The following DENND4C variants were observed in gnomAD, a reference collection of about 807,000 sequenced individuals.
DENND4C encodes the protein DENN domain-containing protein 4C.
Under a neutral mutation model 203.0 loss-of-function variants are expected in DENND4C, and 108 were observed. That is an observed-to-expected ratio of 0.53 (90% CI 0.46 to 0.62). DENND4C has a LOEUF of 0.62. Among genes scored for constraint, DENND4C ranks in the 20% least tolerant of loss-of-function variants. The pLI is 0.00. For missense variants in DENND4C, 2,481 were observed against 2,301.2 expected, an observed-to-expected ratio of 1.08 and a Z score of -1.60; for synonymous variants, 871 against 792.4, an observed-to-expected ratio of 1.10 and a Z score of -1.67.
In DENND4C at chr9:19,316,527, G is replaced by A. The variant is rs1327361464; in HGVS notation, c.1588+10G>A. 2.5e-6 allele frequency: 4 copies of A among 1,608,118 alleles called. No homozygotes were observed. Among genetic ancestry groups the A allele is most frequent in the Admixed American group, 1.7e-5 (1 of 59,292 alleles). ...CCCCAGCTGTCTTCAGGTAATGTGAGGGAAAAGGAATATTATTAATGAAGG... is the reference window on the plus strand; with the variant it reads ...CCCCAGCTGTCTTCAGGTAATGTGAAGGAAAAGGAATATTATTAATGAAGG... On this transcript the variant is annotated intron_variant, in intron 11 of 32. Coordinates refer to ENST00000434457, the MANE Select transcript of DENND4C (RefSeq NM_001330640.2).
At chr9:19,262,702 G>A (rs1353194174) in intron 1 of DENND4C, among the ~76,000 whole-genome samples, 1 of 152,064 alleles carries the variant, frequency 6.6e-6, no homozygotes. Context: ...AGAGTGCTGG[G>A]ATTACAGGTG....
chr9:19,367,153 C>T (rs953817142), intron 30 of DENND4C, among the ~76,000 whole-genome samples: 1 of 152,172 alleles, frequency 6.6e-6, no homozygotes, highest in South Asian at 2.1e-4. Context: ...AATAACACTT[C>T]ATACTTACTA....
chr9:19,287,794 G>A (rs867128343), intron 3 of DENND4C, among the ~76,000 whole-genome samples: 2 of 151,932 alleles, frequency 1.3e-5, no homozygotes, highest in Non-Finnish European at 2.9e-5. Context: ...GTGCAGTGGC[G>A]TGATCTTGGC....
At chr9:19,285,808 A>G (rs533144825) in intron 2 of DENND4C, among the ~76,000 whole-genome samples, 17 of 152,298 alleles carry the variant, frequency 1.1e-4, no homozygotes, top group African/African-American at 4.1e-4. Context: ...CTACATATTG[A>G]AAAGACTATT....
intron 31 of DENND4C, among the ~76,000 whole-genome samples, chr9:19,371,047 T>C (rs1466883752): frequency 6.6e-6 from 1 of 152,236 alleles, no homozygotes; most frequent in Non-Finnish European, 1.5e-5. Context: ...GAATGTAATA[T>C]TAGAAATGTC....
At chr9:19,277,590 C>T (rs1833134827) in intron 2 of DENND4C, among the ~76,000 whole-genome samples, 1 of 151,866 alleles carries the variant, frequency 6.6e-6, no homozygotes, top group Non-Finnish European at 1.5e-5. Context: ...TATATAGGAT[C>T]ATGTCATCTG....
At position 19,347,232 on chromosome 9, in the gene DENND4C, C is replaced by T. The variant is rs866932887; in HGVS notation, c.4317+146C>T. 6.4e-5 allele frequency: 47 copies of T among 739,974 alleles called. No individual in the cohort carries two copies. In the Middle Eastern group the frequency reaches 3.1e-3, roughly 48 times the overall value. The allele number at this position is 739,974 out of a possible 1,614,324, so 45.8% of individuals were successfully genotyped here. A position where few individuals can be genotyped will look rare whatever the true frequency, so the allele number is the denominator to read the frequency against. On this transcript the variant is annotated intron_variant, in intron 23 of 32. Coordinates refer to ENST00000434457, the MANE Select transcript of DENND4C (RefSeq NM_001330640.2). ...TTGGCTGTCTGCAACCTCTGCCTCC[C>T]GGCTTTGAGCGATTCTCTTGCCTGA...
chr9:19,371,845 G>A (rs772906922), intron 32 of DENND4C, 25 bp downstream of exon 32: 4 of 1,390,484 alleles, frequency 2.9e-6, no homozygotes, highest in Admixed American at 2.1e-5. Context: ...AAAAGATTAT[G>A]AAAGGAAGTT....
chr9:19,304,675 T>G (rs1349648566), intron 9 of DENND4C, among the ~76,000 whole-genome samples: 4 of 151,678 alleles, frequency 2.6e-5, no homozygotes, highest in African/African-American at 9.7e-5. Context: ...TAGCTGGGAC[T>G]ATAGGGGCCC....
Position 19,309,801 on chromosome 9 carries a change from G to A in DENND4C, c.1487+4274G>A, listed in dbSNP as rs542309585. On this transcript the variant is annotated intron_variant, in intron 10 of 32. Coordinates refer to ENST00000434457, the MANE Select transcript of DENND4C (RefSeq NM_001330640.2). ...TTATGGGGTGCAATGTGATGCTTTG[G>A]TGTATGTATACATCATGGAATGTTT... Among the ~76,000 whole-genome samples the A allele has an allele frequency of 1.7e-4, 26 of 151,650 alleles. No individual in the cohort carries two copies. The South Asian group carries it at 2.3e-3, about 13-fold the overall frequency.
chr9:19,236,267 C>T (rs1821949300), intron 1 of DENND4C, among the ~76,000 whole-genome samples: 1 of 152,064 alleles, frequency 6.6e-6, no homozygotes, highest in Non-Finnish European at 1.5e-5. Flanking sequence ...GTAACTACAA[C>T]ACAACAAATA....
rs144483638 is a variant in DENND4C, at chr9:19,231,590, C to T, written c.-18+757C>T. ...TCTGCTTGATAGACCTTTTCCCTCTCGAAGACCGTCTTTTATCTGCACTAA... is the reference window on the plus strand; with the variant it reads ...TCTGCTTGATAGACCTTTTCCCTCTTGAAGACCGTCTTTTATCTGCACTAA... On this transcript the variant is annotated intron_variant, in intron 1 of 32. Transcript: ENST00000434457. 2.5e-3 allele frequency among the ~76,000 whole-genome samples: 380 copies of T among 150,916 alleles called. 1 individual carries two copies. Among genetic ancestry groups the T allele is most frequent in the African/African-American group, 9.1e-3 (373 of 41,034 alleles).
chr9:19,342,124 CAAAAAAA>C (rs34191941), intron 21 of DENND4C, among the ~76,000 whole-genome samples: 2 of 61,882 alleles, frequency 3.2e-5, no homozygotes, highest in African/African-American at 1.1e-4. Flanking sequence ...GACTCCATCT[CAAAAAAA>C]AAAAAAAAAA....
chr9:19,236,710 G>A (rs2131369828), intron 1 of DENND4C, among the ~76,000 whole-genome samples: 1 of 152,274 alleles, frequency 6.6e-6, no homozygotes, highest in Non-Finnish European at 1.5e-5. Context: ...ATAGACTTGA[G>A]AACTGTTACA....
intron 22 of DENND4C, among the ~76,000 whole-genome samples, chr9:19,344,438 G>C (rs141413121): frequency 1.3e-3 from 191 of 152,282 alleles, no homozygotes; most frequent in African/African-American, 4.3e-3. Flanking sequence ...TGAGGCTGTA[G>C]TGAGCCATGA....
At chr9:19,298,210 A>C in intron 7 of DENND4C, 88 bp downstream of exon 7, 1 of 1,182,718 alleles carries the variant, frequency 8.5e-7, no homozygotes, top group Non-Finnish European at 1.2e-6. Flanking sequence ...TTTGGGTTTG[A>C]GGTGGAGCAA....
At chr9:19,264,740 AAC>A (rs1830135979) in intron 1 of DENND4C, among the ~76,000 whole-genome samples, 1 of 151,792 alleles carries the variant, frequency 6.6e-6, no homozygotes, top group Non-Finnish European at 1.5e-5. Flanking sequence ...ATCTTTTCAA[AAC>A]ACCAAGTTTT....
intron 10 of DENND4C, among the ~76,000 whole-genome samples, chr9:19,306,745 G>GTATGTATT (rs1839742820): frequency 7.0e-6 from 1 of 142,246 alleles, no homozygotes; most frequent in African/African-American, 2.6e-5. Context: ...TTGCACAATT[G>GTATGTATT]TATTTATTTA....
intron 10 of DENND4C, among the ~76,000 whole-genome samples, chr9:19,307,567 C>T (rs1839936933): frequency 6.6e-6 from 1 of 151,606 alleles, no homozygotes; most frequent in Non-Finnish European, 1.5e-5. Context: ...GTCAGGAGTT[C>T]AAGACCACCC....
Sources: gnomAD v4.1 joint callset for allele counts (sites outside exome capture counted in the v4.1 genomes callset) on GRCh38, gnomAD v4.1.1 for gene constraint, MANE v1.5 for transcripts, NCBI Gene and HGNC (gene_info 2026-07-23, HGNC 2026-07-21) for gene names.